The following WWTR1 variants were observed in gnomAD, a reference collection of about 807,000 sequenced individuals.
WWTR1 encodes the protein WW domain-containing transcription regulator protein 1.
WWTR1 carries 13 observed loss-of-function variants against 40.1 expected under a neutral mutation model. That is an observed-to-expected ratio of 0.32 (90% CI 0.21 to 0.52). The LOEUF (loss-of-function observed/expected upper bound fraction) is 0.52, where lower values mean the gene tolerates loss of function less well. Among genes scored for constraint, WWTR1 ranks in the 20% least tolerant of loss-of-function variants. The probability of loss-of-function intolerance (pLI) is 0.97; values close to 1 mark genes in which losing one functional copy is unlikely to be tolerated. For missense variants in WWTR1, 436 were observed against 523.1 expected (o/e 0.83, Z 1.63); for synonymous variants, 230 against 210.1 (o/e 1.09, Z -0.82).
At chr3:149,647,882 G>A (rs573676028) in intron 2 of WWTR1, among the ~76,000 whole-genome samples, 2 of 152,250 alleles carry the variant, frequency 1.3e-5, no homozygotes, top group South Asian at 4.1e-4. Context: ...CTAGCAAAAG[G>A]TCAATGAGCC....
At chr3:149,620,007 T>C (rs1740194572) in intron 2 of WWTR1, among the ~76,000 whole-genome samples, 1 of 151,884 alleles carries the variant, frequency 6.6e-6, no homozygotes, top group African/African-American at 2.4e-5. Context: ...CTTAGCTCCA[T>C]TTAACATCTA....
At chr3:149,570,842 C>T (rs1245334868) in intron 3 of WWTR1, among the ~76,000 whole-genome samples, 1 of 152,032 alleles carries the variant, frequency 6.6e-6, no homozygotes, top group Non-Finnish European at 1.5e-5. Context: ...TCCTACATAT[C>T]GCACAAATTT....
chr3:149,527,085 G>A (rs1735352728), intron 5 of WWTR1, among the ~76,000 whole-genome samples: 1 of 152,006 alleles, frequency 6.6e-6, no homozygotes, highest in Admixed American at 6.5e-5. Flanking sequence ...ATCTGACACT[G>A]TAGAATATTA....
chr3:149,668,614 A>AAAAAAAAAAAAAAG (rs1713938224), intron 2 of WWTR1, among the ~76,000 whole-genome samples: 1 of 98,588 alleles, frequency 1.0e-5, no homozygotes, highest in Non-Finnish European at 2.2e-5. Flanking sequence ...TCTCAAAAAA[A>AAAAAAAAAAAAAAG]ACAACAAAAA....
intron 4 of WWTR1, among the ~76,000 whole-genome samples, chr3:149,539,429 G>GCTCA (rs1321456259): frequency 6.6e-6 from 1 of 152,108 alleles, no homozygotes; most frequent in Admixed American, 6.5e-5. Flanking sequence ...AGGCTCAGTT[G>GCTCA]GTAGAAGGGC....
chr3:149,634,078 G>A (rs1461030401), intron 2 of WWTR1, among the ~76,000 whole-genome samples: 1 of 152,162 alleles, frequency 6.6e-6, no homozygotes, highest in Non-Finnish European at 1.5e-5. Flanking sequence ...AACAGGAATG[G>A]AGAAAGAGGA....
Position 149,526,191 on chromosome 3 carries a change from A to G in WWTR1, c.906-66T>C, listed in dbSNP as rs567283106. The G allele has an allele frequency of 5.9e-5, 75 of 1,279,080 alleles. No homozygotes were observed. The African/African-American group carries it at 9.2e-4, about 16-fold the overall frequency. The allele number at this position is 1,279,080 out of a possible 1,614,324, so 79.2% of individuals were successfully genotyped here. ...TAAATAAATCTCAAAATTAAAACAC[A>G]GTCACAAAAGCTCTAAACTAGTGCA... On this transcript the variant is annotated intron_variant, in intron 5 of 6. Coordinates refer to ENST00000360632, the MANE Select transcript of WWTR1 (RefSeq NM_015472.6).
At chr3:149,674,868 A>G (rs1714212177) in intron 1 of WWTR1, among the ~76,000 whole-genome samples, 1 of 152,164 alleles carries the variant, frequency 6.6e-6, no homozygotes, top group Non-Finnish European at 1.5e-5. Flanking sequence ...TATGGTTTAA[A>G]CATTCTATGG....
At chr3:149,724,716 C>T (rs1294545915) in exon 3 of WWTR1, 3 of 152,150 alleles carry the variant, frequency 2.0e-5, no homozygotes, top group Non-Finnish European at 4.4e-5. Flanking sequence ...TCCTTGTAGC[C>T]ATGTTTCTCT....
At chr3:149,681,383 G>A (rs1159657964) in intron 1 of WWTR1, among the ~76,000 whole-genome samples, 3 of 152,208 alleles carry the variant, frequency 2.0e-5, no homozygotes, top group Non-Finnish European at 4.4e-5. Context: ...CAACAGGAGT[G>A]AGGTGATACC....
chr3:149,704,879 G>T (rs982294168), upstream of WWTR1, among the ~76,000 whole-genome samples: 1 of 149,926 alleles, frequency 6.7e-6, no homozygotes, highest in South Asian at 2.1e-4. Flanking sequence ...AACAAACAAC[G>T]AAAAACAAAA....
At chr3:149,637,683 A>G (rs778713048) in intron 2 of WWTR1, among the ~76,000 whole-genome samples, 10 of 152,214 alleles carry the variant, frequency 6.6e-5, no homozygotes, top group Non-Finnish European at 1.3e-4. Context: ...ACCTTACACG[A>G]CACTCTGATG....
chr3:149,562,169 C>T (rs1457804358), intron 3 of WWTR1, among the ~76,000 whole-genome samples: 2 of 151,948 alleles, frequency 1.3e-5, no homozygotes, highest in South Asian at 2.1e-4. Flanking sequence ...GTGGCGTGTG[C>T]CTGTAGTCCC....
intron 2 of WWTR1, among the ~76,000 whole-genome samples, chr3:149,645,410 G>A (rs557751456): frequency 1.3e-5 from 2 of 152,222 alleles, no homozygotes; most frequent in East Asian, 3.9e-4. Flanking sequence ...GACCTCAAGT[G>A]ATCCACCTGC....
intron 5 of WWTR1, among the ~76,000 whole-genome samples, chr3:149,715,446 G>C (rs1020898828): frequency 2.0e-5 from 3 of 152,242 alleles, no homozygotes; most frequent in Non-Finnish European, 4.4e-5. Context: ...CCAGCACTCG[G>C]AACTGCCTGC....
intron 2 of WWTR1, among the ~76,000 whole-genome samples, chr3:149,639,993 CAAAAAAAA>C (rs1215330406): frequency 2.6e-5 from 2 of 76,254 alleles, no homozygotes; most frequent in South Asian, 5.9e-4. Context: ...GACTCCGTCT[CAAAAAAAA>C]AAAAAAAAAA....
chr3:149,567,455 T>C (rs1355874438), intron 3 of WWTR1, among the ~76,000 whole-genome samples: 1 of 152,188 alleles, frequency 6.6e-6, no homozygotes, highest in East Asian at 1.9e-4. Context: ...CTGTCCGAGG[T>C]TAAATGTTAT....
At chr3:149,535,568 A>T (rs1269490774) in intron 4 of WWTR1, among the ~76,000 whole-genome samples, 1 of 152,174 alleles carries the variant, frequency 6.6e-6, no homozygotes, top group Non-Finnish European at 1.5e-5. Context: ...TAAGTTTGTC[A>T]TTATTATCTA....
At chr3:149,600,939 C>A (rs1276663652) in intron 2 of WWTR1, among the ~76,000 whole-genome samples, 1 of 152,026 alleles carries the variant, frequency 6.6e-6, no homozygotes, top group Non-Finnish European at 1.5e-5. Flanking sequence ...GTGGGTGAGC[C>A]CCCTTGAAAA....
Sources: gnomAD v4.1 joint callset for allele counts (sites outside exome capture counted in the v4.1 genomes callset) on GRCh38, gnomAD v4.1.1 for gene constraint, MANE v1.5 for transcripts, NCBI Gene and HGNC (gene_info 2026-07-23, HGNC 2026-07-21) for gene names.